Variants in CR2 observed in about 807,000 individuals in gnomAD.
CR2 encodes complement receptor type 2.
CR2 carries 96 observed loss-of-function variants against 123.0 expected under a neutral mutation model. The ratio of observed to expected loss-of-function variants is 0.78; its 90% CI spans 0.66 to 0.93. CR2 has a LOEUF of 0.93. CR2 is among the 40% of genes least tolerant of loss of function. The pLI is 0.00. For missense variants in CR2, 1,258 were observed against 1,361.0 expected (o/e 0.92, Z 1.19); for synonymous variants, 484 against 469.5 (o/e 1.03, Z -0.40).
In CR2 at chr1:207,471,065, G is replaced by A. The variant is rs1658263536; in HGVS notation, c.1471G>A (p.Val491Ile). 6.2e-7 allele frequency: 1 copy of A among 1,613,554 alleles called. No homozygotes were observed. Among genetic ancestry groups the A allele is most frequent in the South Asian group, 1.1e-5 (1 of 91,086 alleles). The change falls in exon 8 of 20, where the codon GTC becomes ATC. Residue 491 changes from valine (V) to isoleucine (I), a missense_variant. Transcript: ENST00000367057. ...KPQHQFVRPD[V>I]NSSCGEGYKL... ...CCAGCACCAATTTGTTAGACCAGAT[G>A]TCAACTCTTCTTGTGGTGAAGGGTG...
chr1:207,473,157 T>C lies in CR2; in HGVS notation c.1956T>C (p.Pro652=). 2 of 1,613,836 alleles carry C rather than the reference T, an allele frequency of 1.2e-6. No individual in the cohort carries two copies. Among genetic ancestry groups the C allele is most frequent in the South Asian group, 1.1e-5 (1 of 91,048 alleles). ...GCAAAGCTGATAACACCTGGGATCC[T>C]GAAATACCAGTTTGTGAAAAAGGTA... ...IRCKADNTWD[P]EIPVCEKGCQ... Residue 652 remains proline (P), a synonymous_variant, in exon 10 of 20, where the codon CCT becomes CCC. Coordinates refer to ENST00000367057, the MANE Select transcript of CR2 (RefSeq NM_001006658.3).
At position 207,472,962 on chromosome 1, in the gene CR2, T is replaced by A; in HGVS notation, c.1761T>A (p.Ser587Arg). ...ATGATCAAGAAAGAGGCACCTGGAG[T>A]GGCCCTGCTCCCCTGTGTAAACTTT... ...TSNDQERGTWSGPAPLCKLSL... is the reference protein window; with the variant it reads ...TSNDQERGTWRGPAPLCKLSL... The change falls in exon 10 of 20, where the codon AGT becomes AGA. Residue 587 changes from serine to arginine, a missense_variant. By Grantham distance (110) the Ser-to-Arg change is moderately radical (BLOSUM62 -1). Transcript: ENST00000367057. The A allele has an allele frequency of 1.2e-6, 2 of 1,613,868 alleles. No homozygotes were observed. The highest frequency in any genetic ancestry group is 1.7e-6 in the Non-Finnish European group (2 of 1,179,912).
chr1:207,458,101 C>CACACATACACACA (rs1553278547), intron 1 of CR2, among the ~76,000 whole-genome samples: 1 of 151,194 alleles, frequency 6.6e-6, no homozygotes, highest in African/African-American at 2.4e-5. Context: ...CACACACACT[C>CACACATACACACA]CTTTTTCAGG....
Sources: gnomAD v4.1 joint callset for allele counts (sites outside exome capture counted in the v4.1 genomes callset) on GRCh38, gnomAD v4.1.1 for gene constraint, MANE v1.5 for transcripts, NCBI Gene and HGNC (gene_info 2026-07-23, HGNC 2026-07-21) for gene names.